The following CACNA2D1 variants were observed in gnomAD, a reference collection of about 807,000 sequenced individuals.
The protein encoded by CACNA2D1 is voltage-dependent calcium channel subunit alpha-2/delta-1.
A neutral mutation model predicts 171.5 loss-of-function variants in CACNA2D1; 53 were observed. That is an observed-to-expected ratio of 0.31 (90% CI 0.25 to 0.39). The LOEUF is 0.39. Among genes scored for constraint, CACNA2D1 ranks in the 10% least tolerant of loss-of-function variants. CACNA2D1 has a pLI of 1.00. For missense variants in CACNA2D1, 903 were observed against 1,299.8 expected (o/e 0.69, Z 4.69); for synonymous variants, 442 against 443.1 (o/e 1.00, Z 0.03).
At position 81,972,661 on chromosome 7, in the gene CACNA2D1, A is replaced by T. The variant is rs114395264; in HGVS notation, c.2054-797T>A. 8.0e-3 allele frequency among the ~76,000 whole-genome samples: 1,217 copies of T among 152,064 alleles called. 17 individuals are homozygous for T. The highest frequency in any genetic ancestry group is 0.027 in the African/African-American group (1,129 of 41,548). On this transcript the variant is annotated intron_variant, in intron 25 of 38. Transcript: ENST00000356860. ...CAATTATTATGTATTCTTAAACAAA[A>T]ACCTCTGCCTTCTTCCCATTCTCCT... is the stretch of plus-strand genomic sequence containing the variant.
chr7:81,994,968 TC>T, intron 19 of CACNA2D1, 29 bp from the exon 20 acceptor site: 1 of 1,171,286 alleles, frequency 8.5e-7, no homozygotes, highest in Non-Finnish European at 1.3e-6. Context: ...ACTACTTTAT[TC>T]CAGAAACAAA....
chr7:82,180,831 G>GA (rs1797044591), intron 3 of CACNA2D1, among the ~76,000 whole-genome samples: 1 of 151,840 alleles, frequency 6.6e-6, no homozygotes, highest in Non-Finnish European at 1.5e-5. Context: ...CAGGTGGGGG[G>GA]AAGAGGGACA....
At chr7:82,059,417 A>G (rs1050245692) in intron 10 of CACNA2D1, among the ~76,000 whole-genome samples, 2 of 152,156 alleles carry the variant, frequency 1.3e-5, no homozygotes, top group Non-Finnish European at 2.9e-5. Context: ...TTATGTTAAC[A>G]AGAAAAACAT....
At chr7:82,281,981 A>G (rs1035081804) in intron 3 of CACNA2D1, among the ~76,000 whole-genome samples, 3 of 152,140 alleles carry the variant, frequency 2.0e-5, no homozygotes, top group African/African-American at 7.2e-5. Flanking sequence ...AGAAAGAAAA[A>G]AACTCCATGT....
intron 12 of CACNA2D1, among the ~76,000 whole-genome samples, chr7:82,030,318 G>A (rs1023738018): frequency 4.0e-5 from 6 of 150,786 alleles, no homozygotes; most frequent in African/African-American, 7.3e-5. Context: ...AAAACTTTGT[G>A]TGTTTAAAAA....
At chr7:82,188,655 A>T (rs1797998688) in intron 3 of CACNA2D1, among the ~76,000 whole-genome samples, 1 of 152,256 alleles carries the variant, frequency 6.6e-6, no homozygotes, top group East Asian at 1.9e-4. Flanking sequence ...TACACCCAGT[A>T]ATCTGATTTT....
intron 3 of CACNA2D1, among the ~76,000 whole-genome samples, chr7:82,275,695 C>A (rs1809227841): frequency 6.6e-6 from 1 of 152,102 alleles, no homozygotes; most frequent in South Asian, 2.1e-4. Flanking sequence ...GCAATACGCA[C>A]AGGAAGGCAA....
chr7:82,230,064 G>A (rs895742263), intron 3 of CACNA2D1, among the ~76,000 whole-genome samples: 5 of 152,158 alleles, frequency 3.3e-5, no homozygotes, highest in Non-Finnish European at 5.9e-5. Context: ...CCAGAAAAGT[G>A]CACATTAAGT....
At chr7:82,301,430 T>G (rs922183085) in intron 3 of CACNA2D1, among the ~76,000 whole-genome samples, 3 of 152,220 alleles carry the variant, frequency 2.0e-5, no homozygotes, top group Admixed American at 6.5e-5. Context: ...CAGCCAGGTT[T>G]GCTATCTTAA....
chr7:82,142,644 C>G (rs1792532087), intron 4 of CACNA2D1, among the ~76,000 whole-genome samples: 1 of 152,166 alleles, frequency 6.6e-6, no homozygotes, highest in African/African-American at 2.4e-5. Context: ...TACTAATTCT[C>G]TTTCTTGGCT....
chr7:82,104,988 A>G (rs1462028678), intron 6 of CACNA2D1, among the ~76,000 whole-genome samples: 1 of 152,100 alleles, frequency 6.6e-6, no homozygotes, highest in Non-Finnish European at 1.5e-5. Flanking sequence ...TATACTTGAA[A>G]TTGATGACAA....
intron 1 of CACNA2D1, among the ~76,000 whole-genome samples, 186 bp downstream of exon 1, chr7:82,443,179 G>A (rs977531328): frequency 6.6e-6 from 1 of 151,932 alleles, no homozygotes; most frequent in Non-Finnish European, 1.5e-5. Context: ...ACGCCGGTTC[G>A]GGACGCATTC....
intron 1 of CACNA2D1, among the ~76,000 whole-genome samples, chr7:82,391,049 G>C (rs1189157622): frequency 1.3e-5 from 2 of 151,958 alleles, no homozygotes; most frequent in African/African-American, 4.8e-5. Flanking sequence ...CCAAAACTCT[G>C]CCAAAAAGCT....
chr7:82,379,346 C>T (rs920861510), intron 1 of CACNA2D1, among the ~76,000 whole-genome samples: 5 of 152,116 alleles, frequency 3.3e-5, no homozygotes, highest in African/African-American at 1.2e-4. Context: ...GCCCTTCTCC[C>T]TAGAAAAATG....
chr7:82,438,333 T>C (rs779185130), intron 1 of CACNA2D1, among the ~76,000 whole-genome samples: 3 of 152,182 alleles, frequency 2.0e-5, no homozygotes, highest in Non-Finnish European at 2.9e-5. Flanking sequence ...CACGTATATA[T>C]GTGTATTTGC....
intron 3 of CACNA2D1, among the ~76,000 whole-genome samples, chr7:82,269,098 A>T (rs1563286168): frequency 6.6e-6 from 1 of 152,120 alleles, no homozygotes; most frequent in Non-Finnish European, 1.5e-5. Context: ...ACGCAACAAG[A>T]CCTACACATA....
At chr7:82,345,717 T>TGTGTGTGTGTGTG (rs1819170960) in intron 2 of CACNA2D1, among the ~76,000 whole-genome samples, 1 of 150,528 alleles carries the variant, frequency 6.6e-6, no homozygotes, top group Non-Finnish European at 1.5e-5. Context: ...TGTGTGTGTG[T>TGTGTGTGTGTGTG]TTAGAAATAT....
intron 3 of CACNA2D1, among the ~76,000 whole-genome samples, chr7:82,308,154 G>C (rs200974149): frequency 2.0e-5 from 3 of 152,004 alleles, no homozygotes; most frequent in East Asian, 3.9e-4. Context: ...ATCCACACTG[G>C]CTCCTCTTGG....
chr7:82,216,890 C>G, intron 3 of CACNA2D1, among the ~76,000 whole-genome samples: 1 of 52,438 alleles, frequency 1.9e-5, no homozygotes, highest in Non-Finnish European at 4.5e-5. Context: ...AAGCCTAAAT[C>G]CAAAAAAAAA....
Sources: allele counts gnomAD v4.1 joint callset (sites outside exome capture counted in the v4.1 genomes callset), GRCh38; gene constraint gnomAD v4.1.1; transcripts MANE v1.5; gene names NCBI Gene and HGNC (gene_info 2026-07-23, HGNC 2026-07-21).